The following PDCD1LG2 variants were observed in gnomAD, a reference collection of about 807,000 sequenced individuals.
PDCD1LG2 encodes programmed cell death 1 ligand 2.
Under a neutral mutation model 28.2 loss-of-function variants are expected in PDCD1LG2, and 32 were observed. The ratio of observed to expected loss-of-function variants is 1.13; its 90% confidence interval spans 0.86 to 1.52. The LOEUF (loss-of-function observed/expected upper bound fraction) is 1.52, where lower values mean the gene tolerates loss of function less well. Among genes scored for constraint, PDCD1LG2 ranks in the 40% most tolerant of loss-of-function variants. The probability of loss-of-function intolerance (pLI) is 0.00; values close to 1 mark genes in which losing one functional copy is unlikely to be tolerated. For synonymous variants in PDCD1LG2, 116 were observed against 120.2 expected (o/e 0.97, Z 0.23); for missense variants, 385 against 323.8 (o/e 1.19, Z -1.45).
chr9:5,543,038 G>A (rs1820716744), intron 3 of PDCD1LG2, among the ~76,000 whole-genome samples: 1 of 152,068 alleles, frequency 6.6e-6, no homozygotes, highest in African/African-American at 2.4e-5. Flanking sequence ...ACTTAGCTAT[G>A]AAAAGGAATG....
At chr9:5,553,833 T>A (rs1372886102) in intron 4 of PDCD1LG2, among the ~76,000 whole-genome samples, 2 of 152,202 alleles carry the variant, frequency 1.3e-5, no homozygotes, top group African/African-American at 4.8e-5. Flanking sequence ...GTTTTACCCA[T>A]CCTTCCCAAC....
chr9:5,512,489 T>TGCAGTGAGCCGAGATCGCGCCA (rs1323286500), intron 1 of PDCD1LG2, among the ~76,000 whole-genome samples: 1 of 152,190 alleles, frequency 6.6e-6, no homozygotes, highest in African/African-American at 2.4e-5. Flanking sequence ...TGGGGGAGCT[T>TGCAGTGAGCCGAGATCGCGCCA]CTGATGCTCT....
At chr9:5,552,386 G>A (rs1029970107) in intron 4 of PDCD1LG2, among the ~76,000 whole-genome samples, 14 of 152,162 alleles carry the variant, frequency 9.2e-5, no homozygotes, top group African/African-American at 2.4e-4. Flanking sequence ...AGAATTCCCC[G>A]TAGGAAGCCA....
intron 4 of PDCD1LG2, among the ~76,000 whole-genome samples, chr9:5,550,882 T>C (rs10815242): frequency 0.19 from 28,217 of 151,952 alleles, 3,146 homozygotes; most frequent in East Asian, 0.49. Context: ...TTAGTAGAGA[T>C]GGGTTTCACC....
chr9:5,551,210 G>A (rs1816325056), intron 4 of PDCD1LG2, among the ~76,000 whole-genome samples: 1 of 152,158 alleles, frequency 6.6e-6, no homozygotes, highest in Admixed American at 6.5e-5. Context: ...TTATCCTACT[G>A]AGAAGGGATA....
intron 3 of PDCD1LG2, among the ~76,000 whole-genome samples, chr9:5,538,114 T>G (rs1820617256): frequency 6.6e-6 from 1 of 152,136 alleles, no homozygotes; most frequent in African/African-American, 2.4e-5. Context: ...CAGAGAAGAA[T>G]TTTTTCATTT....
rs1289968962 is a variant in PDCD1LG2 at position 5,557,729 on chromosome 9, G to A, written c.743G>A (p.Cys248Tyr). The A allele has an allele frequency of 6.2e-7, 1 of 1,613,912 alleles. No individual in the cohort carries two copies. The highest frequency in any genetic ancestry group is 2.2e-5 in the East Asian group (1 of 44,878). The change falls in exon 5 of 7, where the codon TGT becomes TAT. Residue 248 changes from cysteine to tyrosine, a missense_variant. Cys to Tyr is a radical substitution (Grantham distance 194). Coordinates refer to ENST00000397747, the MANE Select transcript of PDCD1LG2 (RefSeq NM_025239.4). The stretch of plus-strand genomic sequence containing the variant: ...GTGATAGCCCTAAGAAAACAACTCT[G>A]TCAAAAGCTGTATTCTTCAAAAGGT... ...ATVIALRKQL[C>Y]QKLYSSKDTT...
intron 5 of PDCD1LG2, among the ~76,000 whole-genome samples, chr9:5,560,948 C>T (rs567017419): frequency 2.2e-4 from 34 of 152,252 alleles, no homozygotes; most frequent in Non-Finnish European, 4.0e-4. Context: ...AAGCTGGCAA[C>T]TTCTGTTGCA....
intron 4 of PDCD1LG2, among the ~76,000 whole-genome samples, chr9:5,553,450 G>C (rs1026434459): frequency 1.3e-5 from 2 of 152,178 alleles, no homozygotes; most frequent in Non-Finnish European, 2.9e-5. Flanking sequence ...CAGTACTTTG[G>C]ATGAATTGTA....
rs763562428 is a variant in PDCD1LG2, at chr9:5,535,037, T to C, written c.348T>C (p.Thr116=). 10 of 1,607,626 alleles carry C rather than the reference T, an allele frequency of 6.2e-6. No individual in the cohort carries two copies. The Admixed American group carries it at 1.7e-4, about 27-fold the overall frequency. ...TCGCCTGGGACTACAAGTACCTGAC[T>C]CTGAAAGTCAAAGGTGAGTGGTGTC... ...YGVAWDYKYL[T]LKVKASYRKI... Residue 116 remains threonine, a synonymous_variant, in exon 3 of 7, where the codon ACT becomes ACC. Coordinates refer to ENST00000397747, the MANE Select transcript of PDCD1LG2 (RefSeq NM_025239.4).
rs1352798234 is a variant in PDCD1LG2 at position 5,570,250 on chromosome 9, C to A, written c.*291C>A. On this transcript the variant is annotated 3_prime_UTR_variant, in exon 7 of 7. Transcript: ENST00000397747. ...TGGACCCACAGAATTCCTTCAGGATCCTTCTTGCTGCCAGACTGAAAGCAA... is the reference window on the plus strand; with the variant it reads ...TGGACCCACAGAATTCCTTCAGGATACTTCTTGCTGCCAGACTGAAAGCAA... 7 of 363,198 alleles carry A rather than the reference C, an allele frequency of 1.9e-5. No homozygotes were observed. Among genetic ancestry groups the A allele is most frequent in the African/African-American group, 1.0e-4 (5 of 48,308 alleles). 22.5% of individuals were successfully genotyped at this position (363,198 alleles called of 1,614,324 possible).
At position 5,554,977 on chromosome 9, in the gene PDCD1LG2, G is replaced by A. The variant is rs149616914; in HGVS notation, c.632-2641G>A. Among the ~76,000 whole-genome samples the A allele has an allele frequency of 7.3e-3, 1,109 of 151,994 alleles. 7 individuals carry two copies. The highest frequency in any genetic ancestry group is 0.017 in the African/African-American group (684 of 41,318). On this transcript the variant is annotated intron_variant, in intron 4 of 6. Transcript: ENST00000397747. ...GGATTAAATGAAATGTGCTTATAAAGTGCTTAGTACTCAGAAAGTGTGCAA... is the reference window on the plus strand; with the variant it reads ...GGATTAAATGAAATGTGCTTATAAAATGCTTAGTACTCAGAAAGTGTGCAA...
chr9:5,533,423 G>C (rs960588721), intron 2 of PDCD1LG2, among the ~76,000 whole-genome samples: 1 of 152,096 alleles, frequency 6.6e-6, no homozygotes, highest in Non-Finnish European at 1.5e-5. Context: ...AGTATCATTT[G>C]CACTGGTAAA....
chr9:5,534,640 T>C (rs1820545063), intron 2 of PDCD1LG2, 105 bp from the exon 3 acceptor site: 1 of 976,746 alleles, frequency 1.0e-6, no homozygotes, highest in Non-Finnish European at 1.5e-6. Context: ...ATAAGACAGG[T>C]GCCTTTTGGA....
chr9:5,530,617 A>G (rs1250245878), intron 2 of PDCD1LG2, among the ~76,000 whole-genome samples: 1 of 152,176 alleles, frequency 6.6e-6, no homozygotes, highest in Non-Finnish European at 1.5e-5. Flanking sequence ...ATGAGCTACC[A>G]TTCTTTGACC....
chr9:5,520,489 T>G (rs1441049998), intron 1 of PDCD1LG2, among the ~76,000 whole-genome samples: 2 of 152,236 alleles, frequency 1.3e-5, no homozygotes, highest in African/African-American at 4.8e-5. Context: ...AAATTTGTTC[T>G]TTTGCATGTG....
At chr9:5,560,547 C>A (rs1033209187) in intron 5 of PDCD1LG2, among the ~76,000 whole-genome samples, 4 of 152,178 alleles carry the variant, frequency 2.6e-5, no homozygotes, top group Admixed American at 2.0e-4. Flanking sequence ...AAGCAGGACC[C>A]CTATGGGTTG....
At chr9:5,546,911 C>T (rs936809520) in intron 3 of PDCD1LG2, among the ~76,000 whole-genome samples, 28 of 152,138 alleles carry the variant, frequency 1.8e-4, no homozygotes, top group African/African-American at 5.8e-4. Context: ...CCAAAGTGCA[C>T]GCAGGTTCTG....
intron 2 of PDCD1LG2, among the ~76,000 whole-genome samples, chr9:5,526,143 G>C (rs1820375682): frequency 6.6e-6 from 1 of 151,932 alleles, no homozygotes; most frequent in South Asian, 2.1e-4. Flanking sequence ...TTAGTAATGT[G>C]CTAGTTCTTA....
Sources: allele counts gnomAD v4.1 joint callset (sites outside exome capture counted in the v4.1 genomes callset), GRCh38; gene constraint gnomAD v4.1.1; transcripts MANE v1.5; gene names NCBI Gene and HGNC (gene_info 2026-07-23, HGNC 2026-07-21).